The following KIF24 variants were observed in gnomAD, a reference collection of about 807,000 sequenced individuals.
KIF24 encodes kinesin family member 24.
KIF24 carries 81 observed loss-of-function variants against 118.9 expected under a neutral mutation model. The ratio of observed to expected loss-of-function variants is 0.68; its 90% CI spans 0.57 to 0.82. KIF24 has a LOEUF of 0.82. Among genes scored for constraint, KIF24 ranks in the 40% least tolerant of loss-of-function variants. The pLI is 0.00. For synonymous variants in KIF24, 599 were observed against 610.0 expected (o/e 0.98, Z 0.27); for missense variants, 1,560 against 1,661.6 (o/e 0.94, Z 1.06).
At position 34,256,936 on chromosome 9, in the gene KIF24, T is replaced by A. The variant is rs148278926; in HGVS notation, c.2671A>T (p.Ser891Cys). 518 of 1,613,954 alleles carry A rather than the reference T, an allele frequency of 3.2e-4. 1 individual carries two copies. Among genetic ancestry groups the A allele is most frequent in the Admixed American group, 5.8e-4 (35 of 60,014 alleles). The change falls in exon 11 of 13, where the codon AGC becomes TGC. Residue 891 changes from serine to cysteine, a missense_variant. Physicochemically the swap from Ser to Cys is moderately radical, Grantham distance 112 (BLOSUM62 -1). Transcript: ENST00000402558. ...ATGGGGTCCCTGGAGTCCACCCAGC[T>A]TTTAGTTAGATCTTTCTTGTCACCT... ...RTGDKKDLTK[S>C]WVDSRDPINH...
intron 1 of KIF24, among the ~76,000 whole-genome samples, chr9:34,320,827 C>A (rs945670365): frequency 6.6e-6 from 1 of 152,016 alleles, no homozygotes; most frequent in Non-Finnish European, 1.5e-5. Context: ...ACTGAAATGA[C>A]CTTTATTTTA....
At chr9:34,255,304 C>T (rs1834781895) in intron 11 of KIF24, 139 bp from the exon 12 acceptor site, 1 of 618,464 alleles carries the variant, frequency 1.6e-6, no homozygotes, top group Admixed American at 2.7e-5. Context: ...GCCAGCTTAC[C>T]AACCAGCTCC....
chr9:34,310,115 T>C (rs1483571636), intron 2 of KIF24, among the ~76,000 whole-genome samples: 1 of 152,210 alleles, frequency 6.6e-6, no homozygotes, highest in East Asian at 1.9e-4. Context: ...ATTGTCACCC[T>C]GACTCTCAAA....
At chr9:34,288,176 T>C (rs916428633) in intron 5 of KIF24, among the ~76,000 whole-genome samples, 10 of 151,460 alleles carry the variant, frequency 6.6e-5, no homozygotes, top group Admixed American at 4.6e-4. Flanking sequence ...GCCCCACTAT[T>C]ATAGAAAATA....
chr9:34,326,737 G>C (rs2131841115), intron 1 of KIF24, among the ~76,000 whole-genome samples: 1 of 152,284 alleles, frequency 6.6e-6, no homozygotes, highest in East Asian at 1.9e-4. Flanking sequence ...GTAGGGGCCA[G>C]ATTATGTAGG....
chr9:34,278,541 C>T (rs1433000817), intron 6 of KIF24, among the ~76,000 whole-genome samples: 1 of 140,788 alleles, frequency 7.1e-6, no homozygotes, highest in Non-Finnish European at 1.5e-5. Flanking sequence ...TAGAGATCAA[C>T]ATGAAATATC....
In KIF24 at chr9:34,286,686, A is replaced by G. The variant is rs1202258542; in HGVS notation, c.1146T>C (p.Asp382=). 4.3e-6 allele frequency: 7 copies of G among 1,613,238 alleles called. No homozygotes were observed. In the East Asian group the frequency reaches 1.6e-4, roughly 36 times the overall value. The change falls in exon 6 of 13, where the codon GAT becomes GAC. Residue 382 remains aspartate, a synonymous_variant. Transcript: ENST00000402558. ...CCACTATCTGCACCATGTGCTTGCT[A>G]TCTTCTCTTGCAAAGAGCCTGCAGA... The part of the protein sequence containing the change: ...NRRKRLFARE[D]SKHMVQIVGL...
intron 4 of KIF24, among the ~76,000 whole-genome samples, chr9:34,293,370 C>G (rs1836327964): frequency 6.6e-6 from 1 of 151,226 alleles, no homozygotes; most frequent in Admixed American, 6.6e-5. Flanking sequence ...ATCCCAGCTA[C>G]TAGGGTGGCT....
chr9:34,287,671 C>A (rs985120751), intron 5 of KIF24, among the ~76,000 whole-genome samples: 2 of 152,162 alleles, frequency 1.3e-5, no homozygotes, highest in Admixed American at 1.3e-4. Context: ...TGGAGGGAAA[C>A]AGCCTCACCA....
chr9:34,266,337 C>T (rs1473420071), intron 8 of KIF24, among the ~76,000 whole-genome samples: 1 of 152,134 alleles, frequency 6.6e-6, no homozygotes, highest in Non-Finnish European at 1.5e-5. Flanking sequence ...GTGATAAGCA[C>T]CCCTAATACA....
intron 1 of KIF24, chr9:34,319,549 C>A: frequency 8.8e-7 from 1 of 1,141,058 alleles, no homozygotes; most frequent in African/African-American, 1.5e-5. Context: ...CTGTTCTACT[C>A]CGACCACCCC....
At position 34,256,796 on chromosome 9, in the gene KIF24, C is replaced by A. The variant is rs748419063; in HGVS notation, c.2811G>T (p.Glu937Asp). The A allele has an allele frequency of 8.7e-6, 14 of 1,612,744 alleles. No homozygotes were observed. The highest frequency in any genetic ancestry group is 1.2e-5 in the Non-Finnish European group (14 of 1,179,768). Residue 937 changes from glutamate (E) to aspartate (D), a missense_variant, in exon 11 of 13, where the codon GAG becomes GAT. Coordinates refer to ENST00000402558, the MANE Select transcript of KIF24 (RefSeq NM_194313.4). ...SGPSPRDSLAEKPYCSQVDFI... is the reference protein window; with the variant it reads ...SGPSPRDSLADKPYCSQVDFI... ...AATCTACCTGTGAACAGTATGGCTTCTCTGCCAGGCTGTCTCTGGGAGAAG... is the reference window on the plus strand; with the variant it reads ...AATCTACCTGTGAACAGTATGGCTTATCTGCCAGGCTGTCTCTGGGAGAAG...
chr9:34,298,106 G>C (rs748272516), intron 3 of KIF24, among the ~76,000 whole-genome samples: 9 of 152,164 alleles, frequency 5.9e-5, no homozygotes, highest in Non-Finnish European at 1.2e-4. Context: ...GGGAGTGATG[G>C]AAGGGGGGAA....
chr9:34,304,934 G>A (rs1365425458), intron 3 of KIF24, among the ~76,000 whole-genome samples: 1 of 152,130 alleles, frequency 6.6e-6, no homozygotes, highest in African/African-American at 2.4e-5. Context: ...TTTGAGGCAA[G>A]AGAACAAGAG....
intron 1 of KIF24, among the ~76,000 whole-genome samples, chr9:34,315,679 G>A (rs1837307071): frequency 6.6e-6 from 1 of 152,210 alleles, no homozygotes; most frequent in Non-Finnish European, 1.5e-5. Flanking sequence ...TGCTAGATAG[G>A]TGTGCAACAA....
chr9:34,256,439 G>A lies in KIF24; in HGVS notation c.3168C>T (p.Leu1056=), dbSNP rs1834846205. The A allele has an allele frequency of 1.2e-6, 2 of 1,613,914 alleles. No individual in the cohort carries two copies. The highest frequency in any genetic ancestry group is 1.7e-6 in the Non-Finnish European group (2 of 1,179,870). The change falls in exon 11 of 13, where the codon CTC becomes CTT. Residue 1056 remains leucine (L), a synonymous_variant. Coordinates refer to ENST00000402558, the MANE Select transcript of KIF24 (RefSeq NM_194313.4). ...ACCCTTCGTTGTCTGGGTTCTCCAG[G>A]AGGGACATGGTGAGGGGAGACATGA... ...SGLMSPLTMS[L]LENPDNEGSP...
intron 3 of KIF24, among the ~76,000 whole-genome samples, chr9:34,304,412 A>C (rs936191353): frequency 9.8e-5 from 15 of 152,316 alleles, no homozygotes; most frequent in African/African-American, 3.1e-4. Context: ...AAAAAAAGTA[A>C]GGTTATTGTG....
At chr9:34,271,703 A>G (rs1233168545) in intron 7 of KIF24, 106 bp downstream of exon 7, 4 of 1,218,650 alleles carry the variant, frequency 3.3e-6, no homozygotes, top group Non-Finnish European at 3.5e-6. Flanking sequence ...TATCCCTGCA[A>G]TGAAGAACTC....
In KIF24 at chr9:34,327,835, T is replaced by TAAAA. The variant is rs771567066; in HGVS notation, c.-26+1270_-26+1271insTTTT. Among the ~76,000 whole-genome samples the TAAAA allele has an allele frequency of 1.5e-4, 9 of 60,986 alleles. No homozygotes were observed. The East Asian group carries it at 0.011, about 73-fold the overall frequency. 40.0% of individuals were successfully genotyped at this position (60,986 alleles called of 152,430 possible). ...GGGTGACAGAGCAAGACATTTTCTC[T>TAAAA]AATAAAAAAAAAATAATAATAATAA... is the stretch of plus-strand genomic sequence containing the variant. On this transcript the variant is annotated intron_variant, in intron 1 of 12. Coordinates refer to ENST00000402558, the MANE Select transcript of KIF24 (RefSeq NM_194313.4).
Sources: allele counts gnomAD v4.1 joint callset (sites outside exome capture counted in the v4.1 genomes callset), GRCh38; gene constraint gnomAD v4.1.1; transcripts MANE v1.5; gene names NCBI Gene and HGNC (gene_info 2026-07-23, HGNC 2026-07-21).